SDK1: variants seen among roughly 807,000 people sequenced by gnomAD.
The protein encoded by SDK1 is protein sidekick-1.
In SDK1, 157 loss-of-function variants were observed where a neutral mutation model predicts 245.5. The observed-to-expected ratio is 0.64, with a 90% CI of 0.56 to 0.73. The LOEUF (loss-of-function observed/expected upper bound fraction) is 0.73. Ranked by LOEUF, SDK1 falls within the 30% of genes least tolerant of loss-of-function variation. The pLI, the probability that SDK1 is intolerant of heterozygous loss-of-function variation, is 0.00. For synonymous variants in SDK1, 1,647 were observed against 1,278.5 expected (o/e 1.29, Z -6.15); for missense variants, 3,583 against 3,002.3 (o/e 1.19, Z -4.52).
At chr7:3,447,307 C>T (rs1045085174) in intron 1 of SDK1, among the ~76,000 whole-genome samples, 12 of 151,912 alleles carry the variant, frequency 7.9e-5, no homozygotes, top group African/African-American at 2.4e-4. Flanking sequence ...TTATCTTTAC[C>T]CTAGCTGATT....
At chr7:3,592,765 T>C (rs1022545303) in intron 1 of SDK1, among the ~76,000 whole-genome samples, 1 of 152,210 alleles carries the variant, frequency 6.6e-6, no homozygotes, top group Non-Finnish European at 1.5e-5. Flanking sequence ...TGCTCTATCG[T>C]AGCTCCAGAA....
Position 3,393,654 on chromosome 7 carries a change from C to A in SDK1, c.298+91770C>A, listed in dbSNP as rs544535996. Among the ~76,000 whole-genome samples the A allele has an allele frequency of 2.0e-5, 3 of 152,242 alleles. No homozygotes were observed. In the South Asian group the frequency reaches 6.2e-4, roughly 32 times the overall value. ...TGTGATTCTGTTGCATTCTTCAGTA[C>A]TTCAGTTACATTTTTCAACTCCAGA... On this transcript the variant is annotated intron_variant, in intron 1 of 44. Coordinates refer to ENST00000404826, the MANE Select transcript of SDK1 (RefSeq NM_152744.4).
chr7:3,959,236 C>T (rs1781490539), intron 8 of SDK1, among the ~76,000 whole-genome samples: 1 of 152,106 alleles, frequency 6.6e-6, no homozygotes, highest in African/African-American at 2.4e-5. Context: ...ATACTATTTA[C>T]CCAGCAGAGC....
intron 5 of SDK1, among the ~76,000 whole-genome samples, chr7:3,856,281 G>A (rs1780543026): frequency 6.6e-6 from 1 of 151,656 alleles, no homozygotes; most frequent in Non-Finnish European, 1.5e-5. Flanking sequence ...AACTACTGGA[G>A]AAAAAAATAA....
At chr7:3,369,611 T>C (rs1781174116) in intron 1 of SDK1, among the ~76,000 whole-genome samples, 2 of 152,210 alleles carry the variant, frequency 1.3e-5, no homozygotes, top group Admixed American at 1.3e-4. Context: ...TATTGAAGAA[T>C]AGGATGTTGT....
chr7:3,640,782 C>T (rs916138606), intron 3 of SDK1, among the ~76,000 whole-genome samples: 1 of 151,958 alleles, frequency 6.6e-6, no homozygotes, highest in Non-Finnish European at 1.5e-5. Flanking sequence ...CTCCTAGGTT[C>T]AAGTGATTCT....
chr7:3,758,500 C>T (rs989928953), intron 4 of SDK1, among the ~76,000 whole-genome samples: 10 of 152,128 alleles, frequency 6.6e-5, no homozygotes, highest in African/African-American at 1.4e-4. Context: ...AACACTAATG[C>T]GAAACTGTAA....
At chr7:4,016,995 G>C (rs757237608) in intron 16 of SDK1, among the ~76,000 whole-genome samples, 176 bp from the exon 17 acceptor site, 32 of 152,288 alleles carry the variant, frequency 2.1e-4, no homozygotes, top group Non-Finnish European at 4.3e-4. Flanking sequence ...TGTGAGATTA[G>C]AGCACACTTT....
chr7:4,093,891 C>T lies in SDK1; in HGVS notation c.3324+14307C>T, dbSNP rs760817207. On this transcript the variant is annotated intron_variant, in intron 22 of 44. Coordinates refer to ENST00000404826, the MANE Select transcript of SDK1 (RefSeq NM_152744.4). Reference sequence around the variant, plus strand: ...TATGGGGCTTTCTGTTTCTCTAGCACGTCCTTGGTCCAAAGCCTCTTGCGA... The same window carrying T: ...TATGGGGCTTTCTGTTTCTCTAGCATGTCCTTGGTCCAAAGCCTCTTGCGA... 2.6e-5 allele frequency among the ~76,000 whole-genome samples: 4 copies of T among 152,180 alleles called. No individual in the cohort carries two copies. In the East Asian group the frequency reaches 5.8e-4, roughly 22 times the overall value.
intron 1 of SDK1, among the ~76,000 whole-genome samples, chr7:3,311,464 T>C (rs1779548381): frequency 6.6e-6 from 1 of 152,180 alleles, no homozygotes. Context: ...CGGTATGTTC[T>C]TGTTCTATTG....
intron 5 of SDK1, among the ~76,000 whole-genome samples, chr7:3,936,617 G>A (rs1438950146): frequency 6.6e-6 from 1 of 152,060 alleles, no homozygotes; most frequent in African/African-American, 2.4e-5. Flanking sequence ...GATGTATAGT[G>A]GTGATGGCTA....
At chr7:4,047,523 A>C (rs1388438196) in intron 17 of SDK1, among the ~76,000 whole-genome samples, 1 of 152,168 alleles carries the variant, frequency 6.6e-6, no homozygotes, top group Non-Finnish European at 1.5e-5. Flanking sequence ...TTATTCCTCA[A>C]ATGCTTGGTG....
intron 1 of SDK1, among the ~76,000 whole-genome samples, chr7:3,485,396 A>C (rs972225577): frequency 2.6e-5 from 4 of 152,116 alleles, no homozygotes; most frequent in Non-Finnish European, 5.9e-5. Flanking sequence ...GCTGGGTTCC[A>C]CCGTGGCAGG....
intron 1 of SDK1, among the ~76,000 whole-genome samples, chr7:3,587,575 A>C (rs76926326): frequency 0.014 from 2,186 of 152,298 alleles, 26 homozygotes; most frequent in Non-Finnish European, 0.023. Flanking sequence ...TGTGAATCCA[A>C]CTTTCCTCCG....
chr7:3,909,287 C>T (rs2128108095), intron 5 of SDK1, among the ~76,000 whole-genome samples: 1 of 152,170 alleles, frequency 6.6e-6, no homozygotes, highest in African/African-American at 2.4e-5. Context: ...GGGTGGTGAC[C>T]AGATGGCCGC....
chr7:4,223,598 G>T (rs186271694), intron 40 of SDK1, among the ~76,000 whole-genome samples: 5 of 152,276 alleles, frequency 3.3e-5, no homozygotes, highest in Admixed American at 3.3e-4. Flanking sequence ...CTGCATCTCA[G>T]TTTTATCTTT....
chr7:3,755,649 G>A (rs533243422), intron 4 of SDK1, among the ~76,000 whole-genome samples: 48 of 152,144 alleles, frequency 3.2e-4, no homozygotes, highest in African/African-American at 1.1e-3. Context: ...TCTCCGTGTC[G>A]TTCATTTGTA....
chr7:3,339,755 T>A (rs976437328), intron 1 of SDK1, among the ~76,000 whole-genome samples: 1 of 152,156 alleles, frequency 6.6e-6, no homozygotes, highest in Non-Finnish European at 1.5e-5. Context: ...TTTATAGCAC[T>A]GTTATAAATT....
intron 1 of SDK1, among the ~76,000 whole-genome samples, chr7:3,436,318 AATTG>A (rs1780020800): frequency 6.6e-6 from 1 of 152,170 alleles, no homozygotes; most frequent in African/African-American, 2.4e-5. Context: ...ATTACGAAAT[AATTG>A]ATTAAAAAGT....
Sources: allele counts gnomAD v4.1 joint callset (sites outside exome capture counted in the v4.1 genomes callset), GRCh38; gene constraint gnomAD v4.1.1; transcripts MANE v1.5; gene names NCBI Gene and HGNC (gene_info 2026-07-23, HGNC 2026-07-21).